The following TOGARAM2 variants were observed in gnomAD, a reference collection of about 807,000 sequenced individuals.
TOGARAM2 encodes TOG array regulator of axonemal microtubules 2.
A neutral mutation model predicts 93.3 loss-of-function variants in TOGARAM2; 85 were observed. The observed-to-expected ratio is 0.91, with a 90% CI of 0.76 to 1.09. The LOEUF (loss-of-function observed/expected upper bound fraction) is 1.09. Among genes scored for constraint, TOGARAM2 ranks in the 50% least tolerant of loss-of-function variants. The pLI is 0.00. For synonymous variants in TOGARAM2, 593 were observed against 552.8 expected, an observed-to-expected ratio of 1.07 and a Z score of -1.02; for missense variants, 1,277 against 1,334.5, an observed-to-expected ratio of 0.96 and a Z score of 0.67.
At chr2:29,011,354 A>G (rs992027100) in intron 6 of TOGARAM2, 101 bp from the exon 7 acceptor site, 47 of 980,150 alleles carry the variant, frequency 4.8e-5, no homozygotes, top group African/African-American at 9.9e-5. Flanking sequence ...TCTGTCCCCC[A>G]TCTCGGCCAT....
At chr2:28,957,726 A>T (rs138634877) in intron 1 of TOGARAM2, among the ~76,000 whole-genome samples, 4 of 152,130 alleles carry the variant, frequency 2.6e-5, no homozygotes, top group African/African-American at 9.7e-5. Flanking sequence ...CTCATGAATG[A>T]ATGATTTTGT....
upstream of TOGARAM2, among the ~76,000 whole-genome samples, chr2:28,977,058 T>C (rs975633602): frequency 1.5e-4 from 23 of 152,166 alleles, no homozygotes; most frequent in African/African-American, 5.5e-4. Context: ...CTTCCAGCCT[T>C]TCTCCTCAGC....
chr2:28,982,018 T>C (rs1393018899), intron 1 of TOGARAM2, among the ~76,000 whole-genome samples: 1 of 152,146 alleles, frequency 6.6e-6, no homozygotes, highest in East Asian at 1.9e-4. Flanking sequence ...GCTCTGGGTT[T>C]GAATTCTAAC....
intron 14 of TOGARAM2, among the ~76,000 whole-genome samples, chr2:29,030,110 C>CA (rs1311939823): frequency 5.3e-5 from 8 of 152,086 alleles, no homozygotes; most frequent in East Asian, 3.9e-4. Flanking sequence ...CCTGTCTCTA[C>CA]AAAAAATACC....
At chr2:29,040,382 G>A (rs947841584) in intron 18 of TOGARAM2, among the ~76,000 whole-genome samples, 1 of 152,184 alleles carries the variant, frequency 6.6e-6, no homozygotes, top group Non-Finnish European at 1.5e-5. Flanking sequence ...CTCACTCATA[G>A]TCCCAACTCT....
rs564270196 is a variant in TOGARAM2, at chr2:28,991,877, G to A, written c.-110-2848G>A. The stretch of plus-strand genomic sequence containing the variant: ...AGCATTAATGGGAGGAGGGGACAAC[G>A]GTTACTTACCCCGGGTCGCCCCATT... On this transcript the variant is annotated intron_variant, in intron 1 of 19. Transcript: ENST00000379558. Among the ~76,000 whole-genome samples the A allele has an allele frequency of 2.4e-4, 37 of 152,322 alleles. 1 individual carries two copies. The East Asian group carries it at 6.6e-3, about 27-fold the overall frequency.
chr2:28,995,595 C>G (rs965303412), intron 2 of TOGARAM2, among the ~76,000 whole-genome samples: 5 of 152,202 alleles, frequency 3.3e-5, no homozygotes, highest in African/African-American at 1.2e-4. Context: ...AATGTAGATT[C>G]CAGTGGAGAA....
intron 19 of TOGARAM2, chr2:29,049,580 C>T (rs1666954011): frequency 6.6e-6 from 1 of 152,292 alleles, no homozygotes; most frequent in African/African-American, 2.4e-5. Flanking sequence ...CTAGTTTCCC[C>T]TCATCTCCCA....
Position 29,052,145 on chromosome 2 carries a change from A to C in TOGARAM2, c.*52A>C. On this transcript the variant is annotated 3_prime_UTR_variant, in exon 20 of 20. Transcript: ENST00000379558. The stretch of plus-strand genomic sequence containing the variant: ...ATTTATCTTATTTTTTTGATGGACT[A>C]TTCTCCTGGTTACTTTCCCCCTTAG... The C allele has an allele frequency of 1.4e-6, 2 of 1,400,800 alleles. No individual in the cohort carries two copies. Among genetic ancestry groups the C allele is most frequent in the Admixed American group, 2.7e-5 (1 of 36,772 alleles). 86.8% of individuals were successfully genotyped at this position (1,400,800 alleles called of 1,614,324 possible). A position where few individuals can be genotyped will look rare whatever the true frequency, so the allele number is the denominator to read the frequency against.
chr2:29,033,132 C>A, intron 15 of TOGARAM2, 81 bp downstream of exon 15: 2 of 1,162,874 alleles, frequency 1.7e-6, no homozygotes, highest in Non-Finnish European at 2.5e-6. Flanking sequence ...TCATGTGGGT[C>A]AGGGGAGTGG....
At chr2:28,964,441 C>T (rs1572615545) in intron 1 of TOGARAM2, among the ~76,000 whole-genome samples, 1 of 140,788 alleles carries the variant, frequency 7.1e-6, no homozygotes, top group African/African-American at 2.6e-5. Flanking sequence ...AAGTGTTTTT[C>T]TTGTAAATAG....
chr2:29,005,220 C>T (rs1181455744), intron 6 of TOGARAM2, among the ~76,000 whole-genome samples: 4 of 121,538 alleles, frequency 3.3e-5, no homozygotes, highest in Non-Finnish European at 5.1e-5. Flanking sequence ...GGTATGTGTG[C>T]ATGTGTGTAT....
chr2:29,014,879 C>T (rs977852040), intron 8 of TOGARAM2, among the ~76,000 whole-genome samples: 5 of 152,042 alleles, frequency 3.3e-5, no homozygotes, highest in Admixed American at 6.5e-5. Flanking sequence ...ACGAGGAAGC[C>T]GGACGTGGGG....
chr2:29,008,852 G>A (rs72788107), intron 6 of TOGARAM2, among the ~76,000 whole-genome samples: 11,467 of 152,300 alleles, frequency 0.075, 513 homozygotes, highest in African/African-American at 0.12. Context: ...TGTGGGGCCA[G>A]GATTGGTACC....
At chr2:29,040,654 G>A (rs1666377665) in intron 18 of TOGARAM2, among the ~76,000 whole-genome samples, 1 of 152,172 alleles carries the variant, frequency 6.6e-6, no homozygotes, top group African/African-American at 2.4e-5. Context: ...AGGGGATTGA[G>A]GCCCTGAATT....
chr2:29,032,478 T>C (rs1665826344), intron 14 of TOGARAM2, among the ~76,000 whole-genome samples: 1 of 152,222 alleles, frequency 6.6e-6, no homozygotes, highest in Non-Finnish European at 1.5e-5. Context: ...CCCTCCTATA[T>C]TGTCCCGCTT....
chr2:29,051,574 T>C, intron 19 of TOGARAM2, 182 bp from the exon 20 acceptor site: 1 of 518,616 alleles, frequency 1.9e-6, no homozygotes. Context: ...TATTCATATA[T>C]TTTCTACTAA....
intron 13 of TOGARAM2, among the ~76,000 whole-genome samples, chr2:29,024,997 A>C (rs1665253722): frequency 6.6e-6 from 1 of 152,100 alleles, no homozygotes; most frequent in South Asian, 2.1e-4. Context: ...CTAAAAGCAA[A>C]ACCAAAAGCA....
intron 10 of TOGARAM2, 41 bp downstream of exon 10, chr2:29,017,997 C>A: frequency 6.5e-7 from 1 of 1,535,818 alleles, no homozygotes. Context: ...TCCCTCTGCC[C>A]ATGCTGCCTC....
Sources: allele counts gnomAD v4.1 joint callset (sites outside exome capture counted in the v4.1 genomes callset), GRCh38; gene constraint gnomAD v4.1.1; transcripts MANE v1.5; gene names NCBI Gene and HGNC (gene_info 2026-07-23, HGNC 2026-07-21).